The following RPS6KC1 variants were observed in gnomAD, a reference collection of about 807,000 sequenced individuals.
The protein encoded by RPS6KC1 is ribosomal protein S6 kinase C1.
Under a neutral mutation model 103.8 loss-of-function variants are expected in RPS6KC1, and 54 were observed. The ratio of observed to expected loss-of-function variants is 0.52; its 90% CI spans 0.42 to 0.65. The LOEUF is 0.65. RPS6KC1 is among the 30% of genes least tolerant of loss of function. RPS6KC1 has a pLI of 0.00. For synonymous variants in RPS6KC1, 439 were observed against 438.7 expected, an observed-to-expected ratio of 1.00 and a Z score of -0.01; for missense variants, 1,151 against 1,253.8, an observed-to-expected ratio of 0.92 and a Z score of 1.24.
At chr1:213,764,221 A>G in the RPS6KC1 span, among the ~76,000 whole-genome samples, 2,265 of 152,358 alleles carry the variant, frequency 0.015, 32 homozygotes, top group East Asian at 0.036. Flanking sequence ...CTATTTCTCC[A>G]GGAAATGAAA....
the RPS6KC1 span, among the ~76,000 whole-genome samples, chr1:213,785,769 GA>G: frequency 2.0e-5 from 3 of 152,016 alleles, no homozygotes; most frequent in Non-Finnish European, 4.4e-5. Flanking sequence ...AATCATTTAG[GA>G]AAAATCATTT....
At chr1:213,527,850 T>C in the RPS6KC1 span, among the ~76,000 whole-genome samples, 1 of 152,124 alleles carries the variant, frequency 6.6e-6, no homozygotes, top group Non-Finnish European at 1.5e-5. Flanking sequence ...TAGAAATAGA[T>C]GATGAACATA....
the RPS6KC1 span, among the ~76,000 whole-genome samples, chr1:213,289,533 A>G: frequency 6.6e-6 from 1 of 152,316 alleles, no homozygotes; most frequent in African/African-American, 2.4e-5. Context: ...GGCACAATCT[A>G]TCCCAATTCA....
chr1:213,055,114 A>G (rs1262495051), intron 1 of RPS6KC1, among the ~76,000 whole-genome samples: 1 of 152,228 alleles, frequency 6.6e-6, no homozygotes, highest in Non-Finnish European at 1.5e-5. Context: ...AAATTCACCC[A>G]TTGTAAGTGT....
the RPS6KC1 span, among the ~76,000 whole-genome samples, chr1:213,626,294 T>A: frequency 6.6e-6 from 1 of 152,222 alleles, no homozygotes; most frequent in African/African-American, 2.4e-5. Flanking sequence ...TCTTGTAAAT[T>A]TGTTTGAGTT....
the RPS6KC1 span, among the ~76,000 whole-genome samples, chr1:213,385,227 G>A: frequency 1.3e-5 from 2 of 152,200 alleles, no homozygotes; most frequent in African/African-American, 2.4e-5. Context: ...GTGCCTGTGT[G>A]GCAGCAAATT....
intron 2 of RPS6KC1, among the ~76,000 whole-genome samples, chr1:213,072,161 A>C (rs771064304): frequency 2.0e-5 from 3 of 151,664 alleles, no homozygotes; most frequent in Non-Finnish European, 4.4e-5. Flanking sequence ...TTCCACAATT[A>C]AATATGAATG....
the RPS6KC1 span, among the ~76,000 whole-genome samples, chr1:213,714,621 G>A: frequency 7.3e-3 from 1,115 of 152,340 alleles, 14 homozygotes; most frequent in African/African-American, 0.025. Flanking sequence ...CTGTGTGGAA[G>A]TTAGGCTCAA....
At chr1:213,205,468 C>CAA (rs1050446037) in intron 8 of RPS6KC1, 11 of 692,028 alleles carry the variant, frequency 1.6e-5, no homozygotes, top group Non-Finnish European at 1.9e-5. Flanking sequence ...TAAGAACGAC[C>CAA]AAGAACCTAA....
At chr1:213,676,749 A>T in the RPS6KC1 span, among the ~76,000 whole-genome samples, 2 of 152,122 alleles carry the variant, frequency 1.3e-5, no homozygotes, top group Non-Finnish European at 2.9e-5. Flanking sequence ...CTCCAACCAG[A>T]CTTCTTTTCT....
intron 4 of RPS6KC1, among the ~76,000 whole-genome samples, chr1:213,109,252 T>G (rs894814220): frequency 1.3e-5 from 2 of 152,132 alleles, no homozygotes; most frequent in African/African-American, 4.8e-5. Context: ...TTCTCCTGCT[T>G]CAGCCTCCTG....
chr1:213,566,462 T>TGGATA, the RPS6KC1 span, among the ~76,000 whole-genome samples: 5 of 37,106 alleles, frequency 1.3e-4, no homozygotes, highest in African/African-American at 3.0e-4. Context: ...TTTTTTTTTT[T>TGGATA]TTTTTTTTTT....
At chr1:213,108,267 A>G (rs2082680168) in intron 4 of RPS6KC1, among the ~76,000 whole-genome samples, 1 of 152,156 alleles carries the variant, frequency 6.6e-6, no homozygotes, top group Non-Finnish European at 1.5e-5. Flanking sequence ...TTCATTTTAT[A>G]TACGGTGTGA....
At chr1:213,756,869 C>T in the RPS6KC1 span, among the ~76,000 whole-genome samples, 3 of 152,072 alleles carry the variant, frequency 2.0e-5, no homozygotes, top group Admixed American at 6.6e-5. Flanking sequence ...CTCGGCCCCC[C>T]CAAAGTACTG....
intron 3 of RPS6KC1, among the ~76,000 whole-genome samples, chr1:213,103,697 A>G (rs979649030): frequency 1.3e-5 from 2 of 152,178 alleles, no homozygotes; most frequent in Non-Finnish European, 2.9e-5. Flanking sequence ...TGGTGATGCT[A>G]CTTTTCTGAT....
the RPS6KC1 span, among the ~76,000 whole-genome samples, chr1:213,816,156 A>T: frequency 6.6e-6 from 1 of 152,174 alleles, no homozygotes; most frequent in South Asian, 2.1e-4. Context: ...AAGATCCCTG[A>T]CCACAGATCA....
chr1:213,454,125 T>C, the RPS6KC1 span, among the ~76,000 whole-genome samples: 1 of 147,794 alleles, frequency 6.8e-6, no homozygotes, highest in African/African-American at 2.6e-5. Flanking sequence ...AGTTTATTAA[T>C]ATATGCAGAT....
chr1:213,586,043 C>G, the RPS6KC1 span, among the ~76,000 whole-genome samples: 1 of 152,182 alleles, frequency 6.6e-6, no homozygotes, highest in African/African-American at 2.4e-5. Context: ...CACATCTGGC[C>G]TCTCCAGGAG....
the RPS6KC1 span, among the ~76,000 whole-genome samples, chr1:213,758,578 C>CAA: frequency 4.9e-5 from 5 of 101,702 alleles, no homozygotes; most frequent in South Asian, 3.0e-4. Flanking sequence ...GACTCTGTCT[C>CAA]AAAAAAAAAA....
Sources: allele counts gnomAD v4.1 joint callset (sites outside exome capture counted in the v4.1 genomes callset), GRCh38; gene constraint gnomAD v4.1.1; transcripts MANE v1.5; gene names NCBI Gene and HGNC (gene_info 2026-07-23, HGNC 2026-07-21).